NRK: variants seen among roughly 807,000 people sequenced by gnomAD.
The protein encoded by NRK is nik-related protein kinase.
NRK carries 67 observed loss-of-function variants against 125.2 expected under a neutral mutation model. The ratio of observed to expected loss-of-function variants is 0.54; its 90% CI spans 0.44 to 0.66. NRK has a LOEUF of 0.66. Among genes scored for constraint, NRK ranks in the 30% least tolerant of loss-of-function variants. NRK has a pLI of 0.00. For missense variants in NRK, 1,224 were observed against 1,192.9 expected (o/e 1.03, Z -0.38); for synonymous variants, 458 against 429.0 (o/e 1.07, Z -0.84).
In NRK at chrX:105,889,382, TTGAG is replaced by T. The variant is rs750208571; in HGVS notation, c.378+966_378+969del. The stretch of plus-strand genomic sequence containing the variant: ...TCCTGGCTGCTTTCACGGGTTGACA[TTGAG>T]TGTCTGTGGCTTTTCCAGGCACATG... On this transcript the variant is annotated intron_variant, in intron 5 of 28. Coordinates refer to ENST00000243300, the MANE Select transcript of NRK (RefSeq NM_198465.4). 2.0e-3 allele frequency among the ~76,000 whole-genome samples: 220 copies of T among 111,964 alleles called. 3 individuals are homozygous for T. Among genetic ancestry groups the T allele is most frequent in the African/African-American group, 6.9e-3 (213 of 30,794 alleles).
intron 21 of NRK, among the ~76,000 whole-genome samples, chrX:105,936,993 A>C (rs1242065056): frequency 9.0e-6 from 1 of 111,030 alleles, no homozygotes; most frequent in Non-Finnish European, 1.9e-5. Flanking sequence ...TATGTGCTAG[A>C]CTAAGAATGT....
At chrX:105,852,531 C>G (rs2039485123) in intron 2 of NRK, among the ~76,000 whole-genome samples, 1 of 111,829 alleles carries the variant, frequency 8.9e-6, no homozygotes, top group Non-Finnish European at 1.9e-5. Flanking sequence ...TCCAGTTGCT[C>G]TTTGGTTGGA....
At chrX:105,937,728 ATTATC>A (rs1480388974) in intron 22 of NRK, 146 bp downstream of exon 22, 1 of 368,317 alleles carries the variant, frequency 2.7e-6, no homozygotes, top group Non-Finnish European at 4.7e-6. Context: ...TCCTACTTAT[ATTATC>A]TTATCTATTT....
At chrX:105,926,851 T>C (rs1182800473) in intron 19 of NRK, among the ~76,000 whole-genome samples, 2 of 111,292 alleles carry the variant, frequency 1.8e-5, no homozygotes, top group Non-Finnish European at 3.8e-5. Context: ...TACCGTTCCA[T>C]TGGTATGTGT....
chrX:105,909,032 A>C lies in NRK; in HGVS notation c.1391A>C (p.Gln464Pro). ...KAKASKPLQM[Q>P]IKAPPRLRRA... ...AAGGCCTCTAAACCTCTACAAATGC[A>C]GATTAAGGCACCTCCACGACTACGG... Residue 464 changes from glutamine (Q) to proline (P), a missense_variant, in exon 13 of 29, where the codon CAG becomes CCG. By Grantham distance (76) the Gln-to-Pro change is moderately conservative. Coordinates refer to ENST00000243300, the MANE Select transcript of NRK (RefSeq NM_198465.4). 8.3e-7 allele frequency: 1 copy of C among 1,210,835 alleles called. No homozygotes were observed. Among genetic ancestry groups the C allele is most frequent in the Non-Finnish European group, 1.1e-6 (1 of 894,933 alleles).
intron 2 of NRK, among the ~76,000 whole-genome samples, chrX:105,855,209 T>C (rs2039517517): frequency 9.0e-6 from 1 of 111,067 alleles, no homozygotes; most frequent in Admixed American, 9.6e-5. Flanking sequence ...TAATAACAAG[T>C]CCAAAAGGAT....
At chrX:105,916,545 A>G (rs1367882995) in intron 15 of NRK, among the ~76,000 whole-genome samples, 1 of 111,728 alleles carries the variant, frequency 9.0e-6, no homozygotes, top group East Asian at 2.8e-4. Context: ...CAGATGGCGT[A>G]CAGTTAATGT....
chrX:105,904,208 CTG>C (rs1453823819), intron 9 of NRK, among the ~76,000 whole-genome samples: 1 of 111,945 alleles, frequency 8.9e-6, no homozygotes. Context: ...GAAATTGACA[CTG>C]TGGTTCTCCA....
At chrX:105,943,888 G>T in intron 23 of NRK, 53 bp from the exon 24 acceptor site, 1 of 589,563 alleles carries the variant, frequency 1.7e-6, no homozygotes, top group Non-Finnish European at 2.7e-6. Flanking sequence ...ACAAATACTT[G>T]AGTGTTCTTG....
chrX:105,923,241 C>T lies in NRK; in HGVS notation c.2734C>T (p.Gln912Ter), dbSNP rs2040476531. ...TTGGTTAACTCCGGCACCTGTCATT[C>T]AGCCACCTGAAGAGGATGGTGATTA... ...NDWLTPAPVI[Q>*]PPEEDGDYVE... is the part of the protein sequence containing the mutation. Residue 912 changes from glutamine to a stop codon, truncating the protein, a stop_gained, in exon 18 of 29, where the codon CAG (glutamine) becomes TAG (stop). Coordinates refer to ENST00000243300, the MANE Select transcript of NRK (RefSeq NM_198465.4). LOFTEE classifies it high-confidence loss of function. The T allele has an allele frequency of 2.5e-6, 3 of 1,207,178 alleles. No individual in the cohort carries two copies. Among genetic ancestry groups the T allele is most frequent in the African/African-American group, 1.8e-5 (1 of 56,953 alleles).
chrX:105,827,965 C>T lies in NRK; in HGVS notation c.58-3089C>T, dbSNP rs373434539. Among the ~76,000 whole-genome samples the T allele has an allele frequency of 3.6e-5, 4 of 111,528 alleles. No homozygotes were observed. In the East Asian group the frequency reaches 8.5e-4, roughly 24 times the overall value. ...CAAATAATTATGGAAACCCCTCTGA[C>T]GTGGAACTTCTATTTTCACAGTGAC... On this transcript the variant is annotated intron_variant, in intron 1 of 28. Transcript: ENST00000243300.
chrX:105,903,764 C>A (rs2040188024), intron 9 of NRK, among the ~76,000 whole-genome samples: 1 of 111,486 alleles, frequency 9.0e-6, no homozygotes, highest in Admixed American at 9.6e-5. Flanking sequence ...AGCTCTTGAC[C>A]CCTGAAGATG....
At chrX:105,872,149 A>C (rs1367747032) in intron 2 of NRK, among the ~76,000 whole-genome samples, 2 of 111,453 alleles carry the variant, frequency 1.8e-5, no homozygotes, top group Admixed American at 9.5e-5. Context: ...TAGGTGTATC[A>C]AAACTTTGTA....
chrX:105,856,524 T>G (rs2039533584), intron 2 of NRK, among the ~76,000 whole-genome samples: 1 of 111,343 alleles, frequency 9.0e-6, no homozygotes, highest in African/African-American at 3.3e-5. Context: ...TTTAGTATGC[T>G]TGTAGGTCAT....
chrX:105,898,385 G>A (rs2040112402), intron 7 of NRK, among the ~76,000 whole-genome samples, 199 bp from the exon 8 acceptor site: 1 of 111,828 alleles, frequency 8.9e-6, no homozygotes. Flanking sequence ...TAGCACTGCT[G>A]AGTCTCATTC....
intron 2 of NRK, among the ~76,000 whole-genome samples, chrX:105,858,379 CCA>C (rs1367854504): frequency 1.1e-5 from 1 of 87,798 alleles, no homozygotes; most frequent in Non-Finnish European, 2.1e-5. Flanking sequence ...TGTACCATCT[CCA>C]GTTTTTTTTT....
rs148939245 is a variant in NRK at position 105,877,567 on chromosome X, T to G, written c.124-2632T>G. ...GTCTAAAATTATTTCAAAATAAAAT[T>G]TTTGAGGAGTCAAGGTACAGGGGGA... On this transcript the variant is annotated intron_variant, in intron 2 of 28. Coordinates refer to ENST00000243300, the MANE Select transcript of NRK (RefSeq NM_198465.4). 5.0e-3 allele frequency among the ~76,000 whole-genome samples: 550 copies of G among 110,914 alleles called. 6 individuals carry two copies. Among genetic ancestry groups the G allele is most frequent in the African/African-American group, 0.017 (523 of 30,657 alleles).
At chrX:105,870,331 C>G (rs769121184) in intron 2 of NRK, among the ~76,000 whole-genome samples, 27 of 111,446 alleles carry the variant, frequency 2.4e-4, no homozygotes, top group Admixed American at 1.3e-3. Context: ...CATGGAGTTC[C>G]TATGTAGTTT....
intron 13 of NRK, 116 bp downstream of exon 13, chrX:105,909,998 G>A: frequency 1.9e-6 from 1 of 523,533 alleles, no homozygotes; most frequent in Non-Finnish European, 3.0e-6. Context: ...GTGTTCTACA[G>A]AAGATATACT....
Sources: allele counts gnomAD v4.1 joint callset (sites outside exome capture counted in the v4.1 genomes callset), GRCh38; gene constraint gnomAD v4.1.1; transcripts MANE v1.5; gene names NCBI Gene and HGNC (gene_info 2026-07-23, HGNC 2026-07-21).